CCR5AS: variants seen among roughly 807,000 people sequenced by gnomAD.
CCR5AS encodes CCR5 antisense RNA.
chr3:46,388,044 T>C (rs1309574516), intron 2 of CCR5AS, among the ~76,000 whole-genome samples: 1 of 152,214 alleles, frequency 6.6e-6, no homozygotes, highest in African/African-American at 2.4e-5. Context: ...TTTGTGGTTC[T>C]TCAGTTGCTT....
At chr3:46,401,119 G>A (rs945797185) in intron 1 of CCR5AS, among the ~76,000 whole-genome samples, 2 of 152,182 alleles carry the variant, frequency 1.3e-5, no homozygotes, top group African/African-American at 2.4e-5. Context: ...ATCAAAGAAC[G>A]AGGAATAGAA....
chr3:46,383,293 A>G (rs1285392316), intron 2 of CCR5AS, among the ~76,000 whole-genome samples: 1 of 152,190 alleles, frequency 6.6e-6, no homozygotes, highest in African/African-American at 2.4e-5. Flanking sequence ...ACCTGCTACC[A>G]ATAATTCTGG....
intron 2 of CCR5AS, chr3:46,373,358 T>C: frequency 6.2e-7 from 1 of 1,614,176 alleles, no homozygotes; most frequent in Non-Finnish European, 8.5e-7. Context: ...GTGTGATCAC[T>C]TGGGTGGTGG....
At chr3:46,385,164 C>T (rs950537476) in intron 2 of CCR5AS, among the ~76,000 whole-genome samples, 8 of 152,130 alleles carry the variant, frequency 5.3e-5, no homozygotes, top group African/African-American at 7.2e-5. Context: ...TCCCCATTCA[C>T]GTGTTAATTC....
chr3:46,381,196 A>G (rs1701813534), intron 2 of CCR5AS, among the ~76,000 whole-genome samples: 1 of 152,228 alleles, frequency 6.6e-6, no homozygotes, highest in Non-Finnish European at 1.5e-5. Context: ...ATAGAGAAGA[A>G]GTCTCTTGTA....
At chr3:46,373,396 T>C (rs372054532) in intron 2 of CCR5AS, 11 of 1,612,482 alleles carry the variant, frequency 6.8e-6, no homozygotes, top group Admixed American at 1.7e-5. Flanking sequence ...CCAGGAATCA[T>C]CTTTACCAGA....
intron 3 of CCR5AS, among the ~76,000 whole-genome samples, chr3:46,368,309 G>A (rs1353939514): frequency 1.3e-5 from 2 of 152,206 alleles, no homozygotes; most frequent in African/African-American, 2.4e-5. Flanking sequence ...AAGAGAACAA[G>A]AGCCATGCAA....
chr3:46,373,991 CAGAGTTGTG>C, intron 2 of CCR5AS: 1 of 1,496,988 alleles, frequency 6.7e-7, no homozygotes, highest in Non-Finnish European at 9.0e-7. Context: ...GTGACCCAGT[CAGAGTTGTG>C]CACATGGCTT....
intron 1 of CCR5AS, among the ~76,000 whole-genome samples, chr3:46,401,204 T>C (rs1702003121): frequency 6.6e-6 from 1 of 152,166 alleles, no homozygotes; most frequent in Non-Finnish European, 1.5e-5. Context: ...CTTTATGTGT[T>C]CCAAAAGGAT....
At chr3:46,377,479 C>T (rs1225366034) in intron 2 of CCR5AS, among the ~76,000 whole-genome samples, 36 of 152,172 alleles carry the variant, frequency 2.4e-4, no homozygotes, top group Admixed American at 2.4e-3. Flanking sequence ...ACATTTTGTA[C>T]TCCAGGGGTT....
chr3:46,370,998 C>G (rs1234853250), intron 3 of CCR5AS: 1 of 152,204 alleles, frequency 6.6e-6, no homozygotes, highest in African/African-American at 2.4e-5. Context: ...GGTAAGTAAC[C>G]TCTCAGCTGC....
At chr3:46,405,739 C>T (rs1214344158) in intron 1 of CCR5AS, among the ~76,000 whole-genome samples, 1 of 152,214 alleles carries the variant, frequency 6.6e-6, no homozygotes, top group African/African-American at 2.4e-5. Flanking sequence ...TTGTGTTTCT[C>T]TTTCTGCCTT....
intron 1 of CCR5AS, among the ~76,000 whole-genome samples, chr3:46,404,245 A>G (rs1195622610): frequency 1.3e-5 from 2 of 150,094 alleles, no homozygotes; most frequent in East Asian, 4.0e-4. Flanking sequence ...ATGATCATGA[A>G]CTATTGGACC....
chr3:46,383,669 C>T (rs940863664), intron 2 of CCR5AS, among the ~76,000 whole-genome samples: 3 of 152,092 alleles, frequency 2.0e-5, no homozygotes, highest in African/African-American at 7.2e-5. Context: ...TTTCCTCCAG[C>T]CGTCCTCTGA....
intron 2 of CCR5AS, chr3:46,373,229 T>G (rs558483026): frequency 1.2e-6 from 2 of 1,614,196 alleles, no homozygotes; most frequent in African/African-American, 2.7e-5. Context: ...GGCTCTATTT[T>G]ATAGGCTTCT....
chr3:46,399,508 T>G (rs1246642870), intron 1 of CCR5AS, among the ~76,000 whole-genome samples: 9 of 152,048 alleles, frequency 5.9e-5, no homozygotes, highest in Non-Finnish European at 1.3e-4. Flanking sequence ...GAGGTCAAAG[T>G]GGGTTTGTAA....
intron 1 of CCR5AS, among the ~76,000 whole-genome samples, chr3:46,403,030 T>C (rs1702016348): frequency 6.6e-6 from 1 of 152,252 alleles, no homozygotes; most frequent in Non-Finnish European, 1.5e-5. Flanking sequence ...CTAAGGGTAA[T>C]AGCCTCCAGC....
At chr3:46,392,496 T>C (rs113229741) in intron 2 of CCR5AS, among the ~76,000 whole-genome samples, 20,432 of 152,120 alleles carry the variant, frequency 0.13, 1,519 homozygotes, top group Non-Finnish European at 0.15. Flanking sequence ...AGCCCTGGGC[T>C]GTCATGTGGG....
chr3:46,374,988 G>A (rs946138055), intron 2 of CCR5AS: 6 of 167,502 alleles, frequency 3.6e-5, no homozygotes, highest in Non-Finnish European at 8.8e-5. Flanking sequence ...GGTTGGAAGT[G>A]AGGGTCAGAG....
Sources: allele counts gnomAD v4.1 joint callset (sites outside exome capture counted in the v4.1 genomes callset), GRCh38; gene constraint gnomAD v4.1.1; transcripts MANE v1.5; gene names NCBI Gene and HGNC (gene_info 2026-07-23, HGNC 2026-07-21).